TRAPPC11: variants seen among roughly 807,000 people sequenced by gnomAD.
TRAPPC11 encodes the protein foie gras homolog.
In TRAPPC11, 104 loss-of-function variants were observed where a neutral mutation model predicts 151.2. The observed-to-expected ratio is 0.69, with a 90% CI of 0.59 to 0.81. The LOEUF (loss-of-function observed/expected upper bound fraction) is 0.81, where lower values mean the gene tolerates loss of function less well. Among genes scored for constraint, TRAPPC11 ranks in the 30% least tolerant of loss-of-function variants. TRAPPC11 has a pLI of 0.00. For missense variants in TRAPPC11, 1,230 were observed against 1,349.6 expected, an observed-to-expected ratio of 0.91 and a Z score of 1.39; for synonymous variants, 456 against 472.3, an observed-to-expected ratio of 0.97 and a Z score of 0.45.
intron 17 of TRAPPC11, among the ~76,000 whole-genome samples, chr4:183,686,397 C>T (rs1735967890): frequency 6.6e-6 from 1 of 152,106 alleles, no homozygotes; most frequent in South Asian, 2.1e-4. Flanking sequence ...TTGGCCTCCC[C>T]AAGTGTTGGG....
chr4:183,669,073 C>G (rs1735021865), intron 5 of TRAPPC11, among the ~76,000 whole-genome samples: 1 of 152,056 alleles, frequency 6.6e-6, no homozygotes, highest in Non-Finnish European at 1.5e-5. Flanking sequence ...ATACATTTAG[C>G]AGAGAACATG....
At position 183,694,620 on chromosome 4, in the gene TRAPPC11, A is replaced by G. The variant is rs551102193; in HGVS notation, c.2525A>G (p.Tyr842Cys). 8 of 1,612,888 alleles carry G rather than the reference A, an allele frequency of 5.0e-6. No individual in the cohort carries two copies. In the African/African-American group the frequency reaches 9.3e-5, roughly 19 times the overall value. ...TTGTTACAGCTGGAAAAAATGTTGTATGTTCGCTGTGGAACAGTGGGTTCC... is the reference window on the plus strand; with the variant it reads ...TTGTTACAGCTGGAAAAAATGTTGTGTGTTCGCTGTGGAACAGTGGGTTCC... ...HPGEQLEKMLYVRCGTVGSRM... is the reference protein window; with the variant it reads ...HPGEQLEKMLCVRCGTVGSRM... Residue 842 changes from tyrosine to cysteine, a missense_variant, in exon 23 of 30, where the codon TAT (tyrosine) becomes TGT (cysteine). Physicochemically the swap from Tyr to Cys is radical, Grantham distance 194. Coordinates refer to ENST00000334690, the MANE Select transcript of TRAPPC11 (RefSeq NM_021942.6).
At chr4:183,686,523 A>C in intron 17 of TRAPPC11, 95 bp from the exon 18 acceptor site, 1 of 1,429,738 alleles carries the variant, frequency 7.0e-7, no homozygotes, top group Non-Finnish European at 9.6e-7. Context: ...GTCAGTGCAG[A>C]TGTGTCTTTC....
intron 25 of TRAPPC11, chr4:183,701,407 T>C (rs549055172): frequency 3.7e-4 from 94 of 257,366 alleles, no homozygotes; most frequent in African/African-American, 1.3e-3. Flanking sequence ...CCGTAAGATA[T>C]TGATTCTGTC....
chr4:183,678,374 T>C (rs6850246), intron 8 of TRAPPC11, among the ~76,000 whole-genome samples: 1 of 152,022 alleles, frequency 6.6e-6, no homozygotes. Flanking sequence ...GATGCCTGAC[T>C]CTGTGTTGGT....
chr4:183,683,834 C>T (rs1397392336), intron 11 of TRAPPC11, 141 bp from the exon 12 acceptor site: 2 of 696,212 alleles, frequency 2.9e-6, no homozygotes, highest in South Asian at 1.8e-5. Flanking sequence ...TGCCTCTTAG[C>T]ACCTTTACGA....
chr4:183,693,816 T>C, intron 21 of TRAPPC11, 79 bp downstream of exon 21: 1 of 1,595,210 alleles, frequency 6.3e-7, no homozygotes, highest in Non-Finnish European at 8.6e-7. Context: ...TCTAGGACTT[T>C]TGTTTACAAG....
intron 28 of TRAPPC11, among the ~76,000 whole-genome samples, chr4:183,708,138 G>A (rs1204757211): frequency 1.3e-5 from 2 of 152,034 alleles, no homozygotes; most frequent in Admixed American, 6.5e-5. Flanking sequence ...TCATTCTTTA[G>A]GAGGTATAAG....
intron 5 of TRAPPC11, among the ~76,000 whole-genome samples, chr4:183,673,570 A>T (rs970629371): frequency 6.6e-6 from 1 of 152,044 alleles, no homozygotes; most frequent in African/African-American, 2.4e-5. Flanking sequence ...GCCACTCTGG[A>T]GGCTGAGGTG....
At chr4:183,676,510 A>T (rs1288004532) in intron 7 of TRAPPC11, among the ~76,000 whole-genome samples, 1 of 152,220 alleles carries the variant, frequency 6.6e-6, no homozygotes, top group Non-Finnish European at 1.5e-5. Context: ...CTGTTCAAAA[A>T]TAATTCTGGA....
Position 183,679,453 on chromosome 4 carries a change from T to C in TRAPPC11, c.932T>C (p.Leu311Pro). 1 of 1,612,110 alleles carries C rather than the reference T, an allele frequency of 6.2e-7. No homozygotes were observed. Among genetic ancestry groups the C allele is most frequent in the East Asian group, 2.2e-5 (1 of 44,726 alleles). The change falls in exon 9 of 30, where the codon CTG (leucine) becomes CCG (proline). Residue 311 changes from leucine (L) to proline (P), a missense_variant. By Grantham distance (98) the Leu-to-Pro change is moderately conservative. Coordinates refer to ENST00000334690, the MANE Select transcript of TRAPPC11 (RefSeq NM_021942.6). ...AAGAAAAAGATTGGAAGTGCAGAGC[T>C]GTCTTTTGAGCATGATGCATGGATG... ...LCKKKIGSAE[L>P]SFEHDAWMSK...
chr4:183,679,365 T>G lies in TRAPPC11; in HGVS notation c.844T>G (p.Cys282Gly), dbSNP rs1270946634. Residue 282 changes from cysteine (C) to glycine (G), a missense_variant, in exon 9 of 30, where the codon TGT becomes GGT. Transcript: ENST00000334690. ...GFINYKICRLCFQHNTPLDAI... is the reference protein window; with the variant it reads ...GFINYKICRLGFQHNTPLDAI... ...TTACATTTTGCAGATCTGTAGGCTG[T>G]GTTTTCAACACAACACCCCATTGGA... is the stretch of plus-strand genomic sequence containing the variant. 6.2e-7 allele frequency: 1 copy of G among 1,608,296 alleles called. No homozygotes were observed. Among genetic ancestry groups the G allele is most frequent in the East Asian group, 2.2e-5 (1 of 44,666 alleles).
intron 29 of TRAPPC11, among the ~76,000 whole-genome samples, chr4:183,712,309 G>A (rs1283049931): frequency 6.6e-6 from 1 of 152,212 alleles, no homozygotes; most frequent in East Asian, 1.9e-4. Flanking sequence ...TGAGAGAGAA[G>A]TACTGACAGA....
chr4:183,674,135 C>T (rs1177917365), intron 5 of TRAPPC11, among the ~76,000 whole-genome samples: 14 of 152,066 alleles, frequency 9.2e-5, no homozygotes, highest in Admixed American at 4.6e-4. Context: ...AGGCCAGGAG[C>T]GGTGGCTCAC....
intron 20 of TRAPPC11, 117 bp from the exon 21 acceptor site, chr4:183,693,472 C>G: frequency 1.7e-6 from 2 of 1,145,452 alleles, no homozygotes; most frequent in South Asian, 3.3e-5. Flanking sequence ...TCCCAAAATG[C>G]TGGGATTACA....
At chr4:183,689,432 A>G (rs1267934263) in intron 18 of TRAPPC11, among the ~76,000 whole-genome samples, 2 of 151,934 alleles carry the variant, frequency 1.3e-5, no homozygotes, top group Admixed American at 6.6e-5. Context: ...CCTGACTTAC[A>G]TGACTGAATC....
intron 29 of TRAPPC11, among the ~76,000 whole-genome samples, chr4:183,708,916 T>G (rs997091035): frequency 2.6e-5 from 4 of 152,188 alleles, no homozygotes; most frequent in Non-Finnish European, 2.9e-5. Context: ...CTTTTCTGAT[T>G]CCCTGTAACT....
At chr4:183,703,590 G>C (rs1031188178) in intron 26 of TRAPPC11, among the ~76,000 whole-genome samples, 1 of 152,162 alleles carries the variant, frequency 6.6e-6, no homozygotes, top group African/African-American at 2.4e-5. Context: ...ATGTTCATGG[G>C]CTGGGCACAG....
At position 183,691,304 on chromosome 4, in the gene TRAPPC11, C is replaced by G. The variant is rs878916345; in HGVS notation, c.1894-12C>G. ...CATCTGACATTTGATGACCCCTGTT[C>G]ACCTTTTTCAGGAATACAACCAGTT... On this transcript the variant is annotated splice_polypyrimidine_tract_variant and intron_variant, in intron 18 of 29. Transcript: ENST00000334690. 2.7e-6 allele frequency: 4 copies of G among 1,477,796 alleles called. No homozygotes were observed. In the Admixed American group the frequency reaches 7.6e-5, roughly 28 times the overall value. The allele number at this position is 1,477,796 out of a possible 1,614,324, so 91.5% of individuals were successfully genotyped here. A position where few individuals can be genotyped will look rare whatever the true frequency, so the allele number is the denominator to read the frequency against.
Sources: gnomAD v4.1 joint callset for allele counts (sites outside exome capture counted in the v4.1 genomes callset) on GRCh38, gnomAD v4.1.1 for gene constraint, MANE v1.5 for transcripts, NCBI Gene and HGNC (gene_info 2026-07-23, HGNC 2026-07-21) for gene names.